The following PKD2L2 variants were observed in gnomAD, a reference collection of about 807,000 sequenced individuals.
PKD2L2 encodes the protein polycystin 2 like 2, transient receptor potential cation channel.
A neutral mutation model predicts 83.9 loss-of-function variants in PKD2L2; 67 were observed. That is an observed-to-expected ratio of 0.80 (90% confidence interval 0.66 to 0.98). The LOEUF is 0.98. PKD2L2 is among the 50% of genes least tolerant of loss of function. The pLI, the probability that PKD2L2 is intolerant of heterozygous loss-of-function variation, is 0.00. For synonymous variants in PKD2L2, 223 were observed against 237.8 expected (o/e 0.94, Z 0.57); for missense variants, 632 against 717.2 (o/e 0.88, Z 1.36).
chr5:137,913,843 G>C (rs1277980268), intron 8 of PKD2L2, among the ~76,000 whole-genome samples: 3 of 150,998 alleles, frequency 2.0e-5, no homozygotes, highest in Admixed American at 1.3e-4. Context: ...GAGGCACTGT[G>C]CCCAGCTTTT....
chr5:137,925,994 G>T, intron 12 of PKD2L2, 65 bp downstream of exon 12: 1 of 827,000 alleles, frequency 1.2e-6, no homozygotes, highest in Non-Finnish European at 2.0e-6. Context: ...TCACAAAAAC[G>T]CTCTGGTTAA....
At chr5:137,903,024 A>G (rs367851765) in intron 5 of PKD2L2, among the ~76,000 whole-genome samples, 5 of 152,222 alleles carry the variant, frequency 3.3e-5, no homozygotes, top group African/African-American at 1.2e-4. Flanking sequence ...ACCACCTCCA[A>G]GTGTAGTGGC....
chr5:137,938,520 A>T (rs185601888), intron 14 of PKD2L2: 1 of 152,712 alleles, frequency 6.5e-6, no homozygotes, highest in Non-Finnish European at 1.5e-5. Context: ...TGGTATTTTC[A>T]ATTTCACTTT....
At chr5:137,889,929 G>T (rs1004747623) in intron 1 of PKD2L2, 2 of 204,502 alleles carry the variant, frequency 9.8e-6, no homozygotes, top group African/African-American at 2.3e-5. Flanking sequence ...CAGATGAGAG[G>T]TTTTACTTGT....
intron 5 of PKD2L2, among the ~76,000 whole-genome samples, chr5:137,902,316 A>G (rs1263632329): frequency 6.6e-6 from 1 of 152,000 alleles, no homozygotes; most frequent in Non-Finnish European, 1.5e-5. Flanking sequence ...CAGAAAAATT[A>G]CTATGTAAAA....
intron 3 of PKD2L2, among the ~76,000 whole-genome samples, 156 bp from the exon 4 acceptor site, chr5:137,894,197 T>G (rs1756244750): frequency 6.6e-6 from 1 of 152,192 alleles, no homozygotes; most frequent in Admixed American, 6.5e-5. Context: ...GTGTTAACCA[T>G]CCACAGTAGC....
chr5:137,936,635 T>C (rs986670081), intron 14 of PKD2L2, among the ~76,000 whole-genome samples: 1 of 152,196 alleles, frequency 6.6e-6, no homozygotes, highest in Non-Finnish European at 1.5e-5. Context: ...TTTTGTATTT[T>C]TAGTAGAGAC....
intron 11 of PKD2L2, 82 bp downstream of exon 11, chr5:137,925,186 T>G (rs1759278814): frequency 3.4e-6 from 3 of 893,942 alleles, no homozygotes; most frequent in Admixed American, 4.4e-5. Context: ...TTTTTTTGTT[T>G]TTTGTTTGTT....
At chr5:137,906,120 A>G (rs1050570641) in intron 5 of PKD2L2, 86 bp from the exon 6 acceptor site, 11 of 769,700 alleles carry the variant, frequency 1.4e-5, no homozygotes, top group South Asian at 1.8e-5. Context: ...TAAAGCATAC[A>G]TAATCATTGA....
rs1756789416 is a variant in PKD2L2 at position 137,899,629 on chromosome 5, A to G, written c.638A>G (p.Asn213Ser). Reference sequence around the variant, plus strand: ...TCAAAATCGAAATCTGAAACCAAAAACAAGTTCATTGACCTTCGACTGAAC... The same window carrying G: ...TCAAAATCGAAATCTGAAACCAAAAGCAAGTTCATTGACCTTCGACTGAAC... ...TLSKSKSETK[N>S]KFIDLRLNSW... The change falls in exon 5 of 15, where the codon AAC becomes AGC. Residue 213 changes from asparagine to serine, a missense_variant. Asn to Ser is a conservative substitution (Grantham distance 46). Transcript: ENST00000508883. 2.5e-6 allele frequency: 4 copies of G among 1,613,660 alleles called. No individual in the cohort carries two copies. The highest frequency in any genetic ancestry group is 2.7e-5 in the African/African-American group (2 of 74,936).
At chr5:137,934,876 G>A (rs1407926254) in intron 12 of PKD2L2, among the ~76,000 whole-genome samples, 1 of 151,916 alleles carries the variant, frequency 6.6e-6, no homozygotes, top group Non-Finnish European at 1.5e-5. Flanking sequence ...GAGTGAGACT[G>A]TCACACACAC....
intron 2 of PKD2L2, 120 bp downstream of exon 2, chr5:137,890,702 C>T: frequency 1.9e-6 from 1 of 523,048 alleles, no homozygotes; most frequent in Non-Finnish European, 3.4e-6. Context: ...ACTCAAAATA[C>T]AGTGACACGT....
At chr5:137,909,304 C>T (rs1322356162) in intron 8 of PKD2L2, among the ~76,000 whole-genome samples, 1 of 152,048 alleles carries the variant, frequency 6.6e-6, no homozygotes, top group African/African-American at 2.4e-5. Context: ...GCTGGGATTA[C>T]AGGCATGAGC....
At chr5:137,897,033 A>ATATTATTAT (rs10536140) in intron 4 of PKD2L2, among the ~76,000 whole-genome samples, 25 of 137,034 alleles carry the variant, frequency 1.8e-4, no homozygotes, top group African/African-American at 1.6e-4. Flanking sequence ...ATACATTATT[A>ATATTATTAT]TATTATTATT....
chr5:137,912,440 C>T (rs1008350107), intron 8 of PKD2L2, among the ~76,000 whole-genome samples: 1 of 152,108 alleles, frequency 6.6e-6, no homozygotes, highest in African/African-American at 2.4e-5. Context: ...GATCTCGGCT[C>T]ACTGTAACCT....
At chr5:137,911,760 T>C (rs1274229794) in intron 8 of PKD2L2, among the ~76,000 whole-genome samples, 1 of 149,916 alleles carries the variant, frequency 6.7e-6, no homozygotes, top group Non-Finnish European at 1.5e-5. Context: ...GAATTTATTC[T>C]GTCTAACTGA....
At chr5:137,892,649 A>G in intron 3 of PKD2L2, 36 bp downstream of exon 3, 1 of 1,587,982 alleles carries the variant, frequency 6.3e-7, no homozygotes, top group Non-Finnish European at 8.6e-7. Flanking sequence ...AAGTAGATTT[A>G]GGTAGTCCAT....
chr5:137,912,618 C>T (rs565231496), intron 8 of PKD2L2, among the ~76,000 whole-genome samples: 16 of 152,100 alleles, frequency 1.1e-4, no homozygotes, highest in Middle Eastern at 3.4e-3. Flanking sequence ...CCACCAGCCT[C>T]TGTCTCCCAA....
intron 5 of PKD2L2, among the ~76,000 whole-genome samples, chr5:137,900,036 A>G (rs77241153): frequency 1.3e-5 from 2 of 152,248 alleles, no homozygotes; most frequent in African/African-American, 4.8e-5. Flanking sequence ...ATCACAAAGT[A>G]TACACAAATC....
Sources: gnomAD v4.1 joint callset for allele counts (sites outside exome capture counted in the v4.1 genomes callset) on GRCh38, gnomAD v4.1.1 for gene constraint, MANE v1.5 for transcripts, NCBI Gene and HGNC (gene_info 2026-07-23, HGNC 2026-07-21) for gene names.